Variants in SMURF1 observed in about 807,000 individuals in gnomAD.
SMURF1 encodes the protein SMAD specific E3 ubiquitin protein ligase 1, also known as E3 ubiquitin-protein ligase SMURF1.
SMURF1 carries 44 observed loss-of-function variants against 98.0 expected under a neutral mutation model. The observed-to-expected ratio is 0.45, with a 90% CI of 0.35 to 0.58. The LOEUF (loss-of-function observed/expected upper bound fraction) is 0.58. Ranked by LOEUF, SMURF1 falls within the 20% of genes least tolerant of loss-of-function variation. SMURF1 has a pLI of 0.00. For missense variants in SMURF1, 687 were observed against 938.4 expected (o/e 0.73, Z 3.50); for synonymous variants, 396 against 374.9 (o/e 1.06, Z -0.65).
At chr7:99,037,337 A>C (rs751768422) in intron 14 of SMURF1, 150 bp from the exon 15 acceptor site, 25 of 950,648 alleles carry the variant, frequency 2.6e-5, no homozygotes, top group Non-Finnish European at 3.7e-5. Flanking sequence ...TCCTGGGTTC[A>C]AGCAATTCTT....
chr7:99,143,498 G>C (rs1347315864), intron 1 of SMURF1, among the ~76,000 whole-genome samples: 3 of 135,874 alleles, frequency 2.2e-5, no homozygotes, highest in African/African-American at 8.3e-5. Context: ...GCGGGGGAAC[G>C]GGAGGGAACG....
intron 1 of SMURF1, among the ~76,000 whole-genome samples, chr7:99,110,077 G>A (rs1797285459): frequency 6.6e-6 from 1 of 152,146 alleles, no homozygotes; most frequent in Admixed American, 6.5e-5. Context: ...TGATTATCAG[G>A]AAAATATACT....
rs897179762 is a variant in SMURF1 at position 99,089,907 on chromosome 7, T to C, written c.56-28070A>G. On this transcript the variant is annotated intron_variant, in intron 1 of 17. Transcript: ENST00000361368. Reference sequence around the variant, plus strand: ...TCTGCTCACTTAAACCTCCAAGGAGTGTGGGGTAGGAGAGAAGGAAGGGGT... The same window carrying C: ...TCTGCTCACTTAAACCTCCAAGGAGCGTGGGGTAGGAGAGAAGGAAGGGGT... Among the ~76,000 whole-genome samples, 5 of 151,790 alleles carry C rather than the reference T, an allele frequency of 3.3e-5. No individual in the cohort carries two copies. In the South Asian group the frequency reaches 1.0e-3, roughly 32 times the overall value.
At chr7:99,097,753 A>G (rs1191591767) in intron 1 of SMURF1, among the ~76,000 whole-genome samples, 1 of 152,270 alleles carries the variant, frequency 6.6e-6, no homozygotes, top group Non-Finnish European at 1.5e-5. Context: ...AAGCCCAAAC[A>G]GGATAAATGA....
rs188281412 is a variant in SMURF1 at position 99,057,758 on chromosome 7, T to G, written c.204-207A>C. On this transcript the variant is annotated intron_variant, in intron 3 of 17. Transcript: ENST00000361368. Reference sequence around the variant, plus strand: ...GACTACAGGCGTGCATCACCATGCCTGGCTAATTTTTGTATTTTTAGTAGA... The same window carrying G: ...GACTACAGGCGTGCATCACCATGCCGGGCTAATTTTTGTATTTTTAGTAGA... 3.9e-3 allele frequency among the ~76,000 whole-genome samples: 592 copies of G among 152,168 alleles called. 8 individuals are homozygous for G. The highest frequency in any genetic ancestry group is 0.014 in the African/African-American group (563 of 41,532).
At position 99,049,601 on chromosome 7, in the gene SMURF1, T is replaced by G; in HGVS notation, c.915A>C (p.Thr305=). The G allele has an allele frequency of 6.2e-7, 1 of 1,614,242 alleles. No homozygotes were observed. The highest frequency in any genetic ancestry group is 8.5e-7 in the Non-Finnish European group (1 of 1,180,032). ...GTAACCTTGGGTCTGTAAACTGGGT[T>G]GTTCGGTTATTATGATCTACAAAAT... ...RIYFVDHNNR[T]TQFTDPRLHH... Residue 305 remains threonine, a synonymous_variant, in exon 9 of 18, where the codon ACA becomes ACC. Transcript: ENST00000361368.
intron 3 of SMURF1, among the ~76,000 whole-genome samples, chr7:99,058,748 A>T (rs1194445339): frequency 6.6e-6 from 1 of 152,226 alleles, no homozygotes; most frequent in Non-Finnish European, 1.5e-5. Context: ...GATTACTTTG[A>T]TGAAAATATC....
intron 16 of SMURF1, 124 bp from the exon 17 acceptor site, chr7:99,033,245 G>A (rs1794987582): frequency 2.2e-6 from 2 of 912,088 alleles, no homozygotes; most frequent in Non-Finnish European, 3.4e-6. Flanking sequence ...AGGCTGTCCT[G>A]TGAGAGGGCC....
intron 1 of SMURF1, among the ~76,000 whole-genome samples, chr7:99,068,154 T>C (rs1201841616): frequency 6.6e-6 from 1 of 152,268 alleles, no homozygotes; most frequent in Non-Finnish European, 1.5e-5. Context: ...CCTATCACTA[T>C]CTTCTTCTGA....
chr7:99,045,335 A>C (rs1795537675), intron 11 of SMURF1, among the ~76,000 whole-genome samples: 1 of 152,260 alleles, frequency 6.6e-6, no homozygotes, highest in Non-Finnish European at 1.5e-5. Flanking sequence ...TGCTCCCTGC[A>C]GCAAATCCTC....
chr7:99,113,770 C>T (rs113105391), intron 1 of SMURF1, among the ~76,000 whole-genome samples: 4 of 126,744 alleles, frequency 3.2e-5, no homozygotes, highest in African/African-American at 6.0e-5. Flanking sequence ...ACCCGGGAGG[C>T]GGAGCTTGCA....
intron 1 of SMURF1, among the ~76,000 whole-genome samples, chr7:99,092,727 T>C (rs1796841180): frequency 6.6e-6 from 1 of 152,060 alleles, no homozygotes; most frequent in Non-Finnish European, 1.5e-5. Flanking sequence ...CAGGCACGAG[T>C]GGCAGTGCTG....
chr7:99,143,007 G>A (rs1301232900), intron 1 of SMURF1, among the ~76,000 whole-genome samples: 2 of 149,560 alleles, frequency 1.3e-5, no homozygotes, highest in Admixed American at 6.6e-5. Context: ...GAGGGCCGAT[G>A]CTAGGAAAGA....
chr7:99,049,384 T>A, intron 9 of SMURF1, 179 bp downstream of exon 9: 1 of 650,702 alleles, frequency 1.5e-6, no homozygotes, highest in South Asian at 2.0e-5. Flanking sequence ...GCTTCAGTGC[T>A]CTTCACAGCT....
At chr7:99,051,901 C>T (rs1355785745) in intron 7 of SMURF1, among the ~76,000 whole-genome samples, 1 of 152,196 alleles carries the variant, frequency 6.6e-6, no homozygotes, top group African/African-American at 2.4e-5. Flanking sequence ...GTAATCCCAG[C>T]ACTTGGGCGG....
intron 10 of SMURF1, among the ~76,000 whole-genome samples, chr7:99,046,387 C>T (rs1019584388): frequency 3.3e-5 from 5 of 152,154 alleles, no homozygotes; most frequent in African/African-American, 7.2e-5. Flanking sequence ...GATTCAGTAA[C>T]GAGGCACTTA....
At chr7:99,037,254 TG>T (rs1795181105) in intron 14 of SMURF1, 67 bp from the exon 15 acceptor site, 2 of 1,603,486 alleles carry the variant, frequency 1.2e-6, no homozygotes, top group Non-Finnish European at 1.7e-6. Context: ...AGGTTTTTTT[TG>T]GAGACAGGGT....
chr7:99,059,385 A>G (rs1157140326), intron 3 of SMURF1, among the ~76,000 whole-genome samples: 1 of 142,064 alleles, frequency 7.0e-6, no homozygotes, highest in African/African-American at 2.6e-5. Context: ...GCGACAGAGC[A>G]AGACTCCATC....
chr7:99,117,936 G>A, intron 1 of SMURF1, among the ~76,000 whole-genome samples: 1 of 151,900 alleles, frequency 6.6e-6, no homozygotes, highest in Non-Finnish European at 1.5e-5. Context: ...AAAATTATTG[G>A]ACATTTCTCT....
Sources: allele counts gnomAD v4.1 joint callset (sites outside exome capture counted in the v4.1 genomes callset), GRCh38; gene constraint gnomAD v4.1.1; transcripts MANE v1.5; gene names NCBI Gene and HGNC (gene_info 2026-07-23, HGNC 2026-07-21).